BNIP3: variants seen among roughly 807,000 people sequenced by gnomAD.
BNIP3 encodes BCL2 interacting protein 3, also known as BCL2/adenovirus E1B 19 kDa protein-interacting protein 3.
BNIP3 carries 16 observed loss-of-function variants against 23.9 expected under a neutral mutation model. The observed-to-expected ratio is 0.67, with a 90% CI of 0.45 to 1.01. BNIP3 has a LOEUF of 1.01. Ranked by LOEUF, BNIP3 falls within the 50% of genes least tolerant of loss-of-function variation. BNIP3 has a pLI of 0.00. For missense variants in BNIP3, 198 were observed against 248.7 expected (o/e 0.80, Z 1.37); for synonymous variants, 81 against 89.3 (o/e 0.91, Z 0.53).
chr10:131,970,768 G>A lies in BNIP3; in HGVS notation c.409C>T (p.Pro137Ser). ...ATGCTGAGGGTGGCCGTGCGCTTCGGGTGTTTAAAGAGGAACTCCCTGAGG... is the reference window on the plus strand; with the variant it reads ...ATGCTGAGGGTGGCCGTGCGCTTCGAGTGTTTAAAGAGGAACTCCCTGAGG... ...IPPKEFLFKH[P>S]KRTATLSMRN... is the part of the protein sequence containing the mutation. Residue 137 changes from proline (P) to serine (S), a missense_variant, in exon 5 of 6, where the codon CCG (proline) becomes TCG (serine). Physicochemically the swap from Pro to Ser is moderately conservative, Grantham distance 74. Coordinates refer to ENST00000368636, the MANE Select transcript of BNIP3 (RefSeq NM_004052.4). This position sits in a 1 kb window ranked among gnomAD's most constrained non-coding sequence, Gnocchi z 4.1. 4 of 1,614,188 alleles carry A rather than the reference G, an allele frequency of 2.5e-6. No homozygotes were observed. In the South Asian group the frequency reaches 4.4e-5, roughly 18 times the overall value.
chr10:131,969,239 C>T (rs1443405018), intron 5 of BNIP3: 3 of 152,238 alleles, frequency 2.0e-5, no homozygotes, highest in African/African-American at 2.4e-5. Flanking sequence ...GGGTGTGGGT[C>T]GCCAGTGGCA....
At chr10:131,981,096 T>A (rs761430651) in intron 1 of BNIP3, 1 of 152,254 alleles carries the variant, frequency 6.6e-6, no homozygotes, top group Admixed American at 6.5e-5. Context: ...ACTCGGGCAT[T>A]AGGCAGGCTG....
Position 131,969,113 on chromosome 10 carries a change from G to A in BNIP3, c.540-544C>T, listed in dbSNP as rs576445009. 8.4e-5 allele frequency: 13 copies of A among 154,786 alleles called. No homozygotes were observed. The South Asian group carries it at 1.4e-3, about 17-fold the overall frequency. The allele number at this position is 154,786 out of a possible 1,614,324, so 9.6% of individuals were successfully genotyped here. A position where few individuals can be genotyped will look rare whatever the true frequency, so the allele number is the denominator to read the frequency against. ...TGGGTCTCCAGGAAAGGGCAGAATCGGAAGCCTGGCTGGCCTGGCCTGTGG... is the reference window on the plus strand; with the variant it reads ...TGGGTCTCCAGGAAAGGGCAGAATCAGAAGCCTGGCTGGCCTGGCCTGTGG... On this transcript the variant is annotated intron_variant, in intron 5 of 5. Coordinates refer to ENST00000368636, the MANE Select transcript of BNIP3 (RefSeq NM_004052.4).
chr10:131,973,312 G>T, intron 2 of BNIP3, 194 bp from the exon 3 acceptor site: 1 of 576,340 alleles, frequency 1.7e-6, no homozygotes, highest in Non-Finnish European at 3.1e-6. Context: ...CACGACAGGA[G>T]TGAGCTAGCC....
In BNIP3 at chr10:131,968,119, A is replaced by G. The variant is rs190369971; in HGVS notation, c.*405T>C. 127 of 157,890 alleles carry G rather than the reference A, an allele frequency of 8.0e-4. No individual in the cohort carries two copies. Among genetic ancestry groups the G allele is most frequent in the African/African-American group, 2.8e-3 (115 of 41,668 alleles). The allele number at this position is 157,890 out of a possible 1,614,324, so 9.8% of individuals were successfully genotyped here. ...AATATTTATTTTGGACAAACCCCTT[A>G]AAGTAGCGATTTTATTATCAATGTT... is the stretch of plus-strand genomic sequence containing the variant. On this transcript the variant is annotated 3_prime_UTR_variant, in exon 6 of 6. Transcript: ENST00000368636.
At position 131,981,841 on chromosome 10, in the gene BNIP3, C is replaced by T. The variant is rs11556627; in HGVS notation, c.-35G>A. 3 of 1,425,560 alleles carry T rather than the reference C, an allele frequency of 2.1e-6. No individual in the cohort carries two copies. The South Asian group carries it at 4.3e-5, about 21-fold the overall frequency. 88.3% of individuals were successfully genotyped at this position (1,425,560 alleles called of 1,614,324 possible). A position where few individuals can be genotyped will look rare whatever the true frequency, so the allele number is the denominator to read the frequency against. On this transcript the variant is annotated 5_prime_UTR_variant, in exon 1 of 6. Coordinates refer to ENST00000368636, the MANE Select transcript of BNIP3 (RefSeq NM_004052.4). ...GGGCAACTGCGGCGATCGGAGTCCG[C>T]GCCGGGCTGCGGGATGTGCTTCAGC... is the stretch of plus-strand genomic sequence containing the variant.
At chr10:131,971,051 G>T in intron 3 of BNIP3, 81 bp from the exon 4 acceptor site, 5 of 1,279,726 alleles carry the variant, frequency 3.9e-6, no homozygotes, top group Non-Finnish European at 5.6e-6. Flanking sequence ...CCGAGCTTCA[G>T]ATCCGCAGGC....
intron 2 of BNIP3, chr10:131,973,509 G>A (rs1408075158): frequency 1.2e-5 from 6 of 503,420 alleles, no homozygotes; most frequent in Admixed American, 6.6e-5. Context: ...CCACAGCCCC[G>A]CTGAGGCGCG....
At chr10:131,968,642 T>C (rs1371209922) in intron 5 of BNIP3, 73 bp from the exon 6 acceptor site, 37 of 1,373,288 alleles carry the variant, frequency 2.7e-5, no homozygotes, top group Non-Finnish European at 3.1e-5. Context: ...TGAAACAGGG[T>C]AGCTCACTGT....
Position 131,981,306 on chromosome 10 carries a change from CATTA to C in BNIP3, c.46+451_46+454del, listed in dbSNP as rs138374680. ...TCCTAACAGTCACCATGGATATAAA[CATTA>C]ATAACAAAATTAAAGCTCATAACAG... On this transcript the variant is annotated intron_variant, in intron 1 of 5. Transcript: ENST00000368636. The C allele has an allele frequency of 6.0e-3, 1,107 of 183,028 alleles. 8 individuals are homozygous for C. The highest frequency in any genetic ancestry group is 0.021 in the African/African-American group (911 of 42,880). The allele number at this position is 183,028 out of a possible 1,614,324, so 11.3% of individuals were successfully genotyped here. A position where few individuals can be genotyped will look rare whatever the true frequency, so the allele number is the denominator to read the frequency against.
chr10:131,970,904 T>C lies in BNIP3; in HGVS notation c.349A>G (p.Ile117Val). The C allele has an allele frequency of 6.2e-7, 1 of 1,614,178 alleles. No individual in the cohort carries two copies. Among genetic ancestry groups the C allele is most frequent in the Non-Finnish European group, 8.5e-7 (1 of 1,180,030 alleles). Residue 117 changes from isoleucine (I) to valine (V), a missense_variant, in exon 4 of 6, where the codon ATA becomes GTA. Ile to Val is a conservative substitution (Grantham distance 29, BLOSUM62 3). Transcript: ENST00000368636. The surrounding 1 kb of genome is among the most constrained non-coding windows in gnomAD (Gnocchi z 4.1). ...ESILKKNSDW[I>V]WDWSSRPENI... ...TCCGGCCGACTTGACCAATCCCATA[T>C]CCAATCTGAGTTTTTCTTCAAGATG... is the stretch of plus-strand genomic sequence containing the variant.
chr10:131,971,146 G>A (rs1040304305), intron 3 of BNIP3, 176 bp from the exon 4 acceptor site: 26 of 621,786 alleles, frequency 4.2e-5, no homozygotes, highest in Admixed American at 2.0e-4. Flanking sequence ...TCCCCGGGCC[G>A]CGCCGCACTC....
chr10:131,979,986 C>CCCCGCCCACGCCAAA (rs1401432775), intron 1 of BNIP3, among the ~76,000 whole-genome samples: 1 of 151,684 alleles, frequency 6.6e-6, no homozygotes, highest in Non-Finnish European at 1.5e-5. Context: ...GACCGGCCAA[C>CCCCGCCCACGCCAAA]CCCGCCCACG....
At chr10:131,974,009 T>G (rs2037061865) in intron 1 of BNIP3, 66 bp from the exon 2 acceptor site, 1 of 1,591,368 alleles carries the variant, frequency 6.3e-7, no homozygotes, top group South Asian at 1.1e-5. Context: ...GCTCTTGATA[T>G]CTAACCAGCC....
rs1478783505 is a variant in BNIP3 at position 131,968,536 on chromosome 10, G to A, written c.573C>T (p.Thr191=). The change falls in exon 6 of 6, where the codon ACC becomes ACT. Residue 191 remains threonine (T), a synonymous_variant. Coordinates refer to ENST00000368636, the MANE Select transcript of BNIP3 (RefSeq NM_004052.4). The part of the protein sequence containing the change: ...IYIGRRLTTS[T]STF ...CTCCAGTTCTTCATCAAAAGGTGCTGGTGGAGGTTGTCAGACGCCTTCCAA... is the reference window on the plus strand; with the variant it reads ...CTCCAGTTCTTCATCAAAAGGTGCTAGTGGAGGTTGTCAGACGCCTTCCAA... 2 of 1,600,962 alleles carry A rather than the reference G, an allele frequency of 1.2e-6. No individual in the cohort carries two copies. The highest frequency in any genetic ancestry group is 3.3e-5 in the Admixed American group (2 of 60,012).
chr10:131,979,948 C>A (rs973628275), intron 1 of BNIP3, among the ~76,000 whole-genome samples: 1 of 152,322 alleles, frequency 6.6e-6, no homozygotes, highest in East Asian at 1.9e-4. Flanking sequence ...CGCTCCGTCC[C>A]GGATTTGCAG....
chr10:131,972,793 G>A (rs1589976247), intron 3 of BNIP3, among the ~76,000 whole-genome samples: 3 of 152,176 alleles, frequency 2.0e-5, no homozygotes, highest in South Asian at 2.1e-4. Context: ...GGGACAGGAG[G>A]CCCCCGCTGC....
At chr10:131,969,448 G>C (rs781200732) in intron 5 of BNIP3, 1 of 152,198 alleles carries the variant, frequency 6.6e-6, no homozygotes, top group Non-Finnish European at 1.5e-5. Context: ...CAGTCTGTAG[G>C]TCTGACTCCC....
At position 131,970,816 on chromosome 10, in the gene BNIP3, T is replaced by C. The variant is rs1168770089; in HGVS notation, c.390-29A>G. 1.9e-6 allele frequency: 3 copies of C among 1,614,256 alleles called. No homozygotes were observed. The highest frequency in any genetic ancestry group is 3.3e-5 in the Admixed American group (2 of 60,026). On this transcript the variant is annotated intron_variant, in intron 4 of 5. Transcript: ENST00000368636. The surrounding 1 kb of genome is among the most constrained non-coding windows in gnomAD (Gnocchi z 4.1). ...AGGCGGGAAGAAACGTGTCAGCTGA[T>C]GTGTCCTCTGTCAAGGGGTGCCCCC...
Sources: gnomAD v4.1 joint callset for allele counts (sites outside exome capture counted in the v4.1 genomes callset) on GRCh38, gnomAD v4.1.1 for gene constraint, Gnocchi (gnomAD v3.1) non-coding constraint, MANE v1.5 for transcripts, NCBI Gene and HGNC (gene_info 2026-07-23, HGNC 2026-07-21) for gene names.